The following RELN variants were observed in gnomAD, a reference collection of about 807,000 sequenced individuals.
RELN encodes the protein reelin.
RELN carries 108 observed loss-of-function variants against 427.6 expected under a neutral mutation model. That is an observed-to-expected ratio of 0.25 (90% CI 0.22 to 0.30). The LOEUF (loss-of-function observed/expected upper bound fraction) is 0.30, where lower values mean the gene tolerates loss of function less well. Among genes scored for constraint, RELN ranks in the 10% least tolerant of loss-of-function variants. The probability of loss-of-function intolerance (pLI) is 1.00; values close to 1 mark genes in which losing one functional copy is unlikely to be tolerated. For synonymous variants in RELN, 1,524 were observed against 1,513.4 expected (o/e 1.01, Z -0.16); for missense variants, 3,715 against 4,302.8 (o/e 0.86, Z 3.82).
chr7:103,657,855 G>T (rs1282578969), intron 12 of RELN, among the ~76,000 whole-genome samples: 1 of 152,096 alleles, frequency 6.6e-6, no homozygotes, highest in Non-Finnish European at 1.5e-5. Context: ...AGAAATTAAG[G>T]TGCAGGAAGA....
chr7:103,832,829 G>T (rs1239327111), intron 3 of RELN, among the ~76,000 whole-genome samples: 4 of 152,072 alleles, frequency 2.6e-5, no homozygotes, highest in Admixed American at 2.6e-4. Context: ...CCCATTTTCT[G>T]CTTGGCACTA....
chr7:103,659,890 C>T (rs750132218), intron 12 of RELN, among the ~76,000 whole-genome samples: 5 of 152,092 alleles, frequency 3.3e-5, no homozygotes, highest in Non-Finnish European at 7.4e-5. Flanking sequence ...GCTTAAGGCT[C>T]TATATTCAGT....
intron 1 of RELN, among the ~76,000 whole-genome samples, chr7:103,939,190 C>T (rs1478411710): frequency 1.1e-4 from 17 of 152,096 alleles, no homozygotes; most frequent in Admixed American, 9.2e-4. Flanking sequence ...CTCAGGTGAT[C>T]GGCCCACCTT....
intron 29 of RELN, 134 bp downstream of exon 29, chr7:103,575,414 G>T: frequency 9.7e-7 from 1 of 1,030,018 alleles, no homozygotes; most frequent in Non-Finnish European, 1.5e-6. Flanking sequence ...TGCCTGGGTT[G>T]TGAATTCCTA....
At chr7:103,587,683 C>A (rs558529345) in intron 28 of RELN, among the ~76,000 whole-genome samples, 1 of 151,764 alleles carries the variant, frequency 6.6e-6, no homozygotes, top group Non-Finnish European at 1.5e-5. Context: ...ACAACAGCAA[C>A]AGAAATAAAT....
At chr7:103,723,958 C>T (rs1171415577) in intron 7 of RELN, among the ~76,000 whole-genome samples, 4 of 152,048 alleles carry the variant, frequency 2.6e-5, no homozygotes, top group East Asian at 1.9e-4. Flanking sequence ...AAGAATGGTG[C>T]TTCTTTAATT....
At chr7:103,646,559 A>G (rs1488807970) in intron 16 of RELN, among the ~76,000 whole-genome samples, 1 of 151,998 alleles carries the variant, frequency 6.6e-6, no homozygotes, top group Admixed American at 6.6e-5. Flanking sequence ...CCTCCTCCTA[A>G]GATTGAAGCA....
At chr7:103,897,444 T>G (rs1255318148) in intron 2 of RELN, among the ~76,000 whole-genome samples, 1 of 152,076 alleles carries the variant, frequency 6.6e-6, no homozygotes. Flanking sequence ...TGTGCTCACA[T>G]GTGTATTTAT....
intron 3 of RELN, among the ~76,000 whole-genome samples, chr7:103,788,102 A>G: frequency 6.6e-6 from 1 of 152,234 alleles, no homozygotes; most frequent in Non-Finnish European, 1.5e-5. Flanking sequence ...TGATTATCAC[A>G]ATAGATGCAG....
At chr7:103,614,172 T>G (rs1430946810) in intron 20 of RELN, among the ~76,000 whole-genome samples, 1 of 152,184 alleles carries the variant, frequency 6.6e-6, no homozygotes, top group Non-Finnish European at 1.5e-5. Flanking sequence ...ATGAAGGCAG[T>G]TAAACAATGA....
intron 10 of RELN, among the ~76,000 whole-genome samples, chr7:103,692,547 C>G (rs11984057): frequency 0.01 from 1,575 of 152,186 alleles, 22 homozygotes; most frequent in African/African-American, 0.036. Context: ...CCCATTTCTA[C>G]TGCAGGAGAC....
At chr7:103,559,713 T>C (rs1452769325) in intron 36 of RELN, among the ~76,000 whole-genome samples, 1 of 152,208 alleles carries the variant, frequency 6.6e-6, no homozygotes, top group South Asian at 2.1e-4. Flanking sequence ...TAGCTGGGAC[T>C]AGAGGTGTGC....
intron 3 of RELN, among the ~76,000 whole-genome samples, chr7:103,820,688 C>A (rs542220244): frequency 4.9e-4 from 74 of 152,176 alleles, no homozygotes; most frequent in Non-Finnish European, 9.0e-4. Flanking sequence ...ATGCACAAGA[C>A]ATCCACCTTG....
At chr7:103,984,579 T>C (rs922386109) in intron 1 of RELN, among the ~76,000 whole-genome samples, 1 of 152,180 alleles carries the variant, frequency 6.6e-6, no homozygotes, top group African/African-American at 2.4e-5. Context: ...GCAAGATTTA[T>C]GATTTAAGAA....
chr7:103,635,457 C>A lies in RELN; in HGVS notation c.2433G>T (p.Glu811Asp), dbSNP rs1369531104. The change falls in exon 19 of 65, where the codon GAG (glutamate) becomes GAT (aspartate). Residue 811 changes from glutamate (E) to aspartate (D), a missense_variant. Around this residue, in one of 4 missense-constraint regions of RELN, gnomAD observed 2,208 missense variants for 2,361.7 expected, o/e 0.93. Transcript: ENST00000428762. ...CATGATAGCTGAGATATGAATAATGCTCCAGGAGTTTCCAAGTTATCCCAT... is the reference window on the plus strand; with the variant it reads ...CATGATAGCTGAGATATGAATAATGATCCAGGAGTTTCCAAGTTATCCCAT... ...YDNGITWKLL[E>D]HYSYLSYHEP... The A allele has an allele frequency of 6.2e-7, 1 of 1,613,994 alleles. No individual in the cohort carries two copies. The highest frequency in any genetic ancestry group is 1.7e-5 in the Admixed American group (1 of 60,006).
At chr7:103,587,818 C>T (rs1193286437) in intron 28 of RELN, among the ~76,000 whole-genome samples, 1 of 151,804 alleles carries the variant, frequency 6.6e-6, no homozygotes, top group African/African-American at 2.4e-5. Context: ...AAATCAAAAC[C>T]ACAATAAAAT....
At position 103,573,995 on chromosome 7, in the gene RELN, A is replaced by G. The variant is rs988489442; in HGVS notation, c.4511+97T>C. On this transcript the variant is annotated intron_variant, in intron 30 of 64. Coordinates refer to ENST00000428762, the MANE Select transcript of RELN (RefSeq NM_005045.4). This position sits in a 1 kb window ranked among gnomAD's most constrained non-coding sequence, Gnocchi z 4.4. The stretch of plus-strand genomic sequence containing the variant: ...AATCTATATACAGAAACATTATTGT[A>G]TATATTCCCAATAACAGAACAGAAT... The G allele has an allele frequency of 9.6e-6, 9 of 941,040 alleles. No homozygotes were observed. Among genetic ancestry groups the G allele is most frequent in the Non-Finnish European group, 5.2e-6 (3 of 573,138 alleles). 58.3% of individuals were successfully genotyped at this position (941,040 alleles called of 1,614,324 possible).
At chr7:103,835,757 G>A (rs1793384302) in intron 2 of RELN, among the ~76,000 whole-genome samples, 1 of 152,114 alleles carries the variant, frequency 6.6e-6, no homozygotes, top group Non-Finnish European at 1.5e-5. Flanking sequence ...CTGTAAAATG[G>A]AAATACCATG....
chr7:103,838,769 ATGCCTCC>A (rs1034325554), intron 2 of RELN, among the ~76,000 whole-genome samples: 2 of 152,224 alleles, frequency 1.3e-5, no homozygotes, highest in Admixed American at 6.5e-5. Flanking sequence ...TCATGGTCAA[ATGCCTCC>A]TGATTCCTCA....
Sources: gnomAD v4.1 joint callset for allele counts (sites outside exome capture counted in the v4.1 genomes callset) on GRCh38, gnomAD v4.1.1 for gene constraint, gnomAD v4.1.1 regional missense constraint, Gnocchi (gnomAD v3.1) non-coding constraint, MANE v1.5 for transcripts, NCBI Gene and HGNC (gene_info 2026-07-23, HGNC 2026-07-21) for gene names.